Variants in APBB2 observed in about 807,000 individuals in gnomAD.
APBB2 encodes the protein Fe65-like 1.
APBB2 carries 38 observed loss-of-function variants against 82.5 expected under a neutral mutation model. The ratio of observed to expected loss-of-function variants is 0.46; its 90% CI spans 0.36 to 0.60. The LOEUF (loss-of-function observed/expected upper bound fraction) is 0.60, where lower values mean the gene tolerates loss of function less well. Ranked by LOEUF, APBB2 falls within the 20% of genes least tolerant of loss-of-function variation. The pLI is 0.00. For synonymous variants in APBB2, 341 were observed against 368.2 expected, an observed-to-expected ratio of 0.93 and a Z score of 0.85; for missense variants, 772 against 972.3, an observed-to-expected ratio of 0.79 and a Z score of 2.74.
chr4:40,863,906 A>AG (rs1262526662), intron 12 of APBB2, among the ~76,000 whole-genome samples: 1 of 149,860 alleles, frequency 6.7e-6, no homozygotes, highest in East Asian at 1.9e-4. Flanking sequence ...AAAAAAAAAA[A>AG]AAAAAAAAAA....
intron 3 of APBB2, among the ~76,000 whole-genome samples, chr4:41,095,898 T>C (rs1291744498): frequency 6.6e-6 from 1 of 152,216 alleles, no homozygotes; most frequent in Admixed American, 6.5e-5. Context: ...TCCAAGTCTC[T>C]AGCATGGCAC....
chr4:41,041,741 A>C (rs1258671770), intron 4 of APBB2, among the ~76,000 whole-genome samples: 1 of 152,202 alleles, frequency 6.6e-6, no homozygotes, highest in Admixed American at 6.5e-5. Flanking sequence ...GTGTTCTCCA[A>C]GTGAGATTTC....
intron 1 of APBB2, among the ~76,000 whole-genome samples, chr4:41,147,065 A>G (rs982749154): frequency 6.6e-6 from 1 of 152,214 alleles, no homozygotes; most frequent in Non-Finnish European, 1.5e-5. Context: ...CAGTTTATTT[A>G]TTCCCTTTGA....
intron 12 of APBB2, among the ~76,000 whole-genome samples, chr4:40,875,502 T>G (rs929699396): frequency 1.3e-5 from 2 of 152,260 alleles, no homozygotes; most frequent in African/African-American, 4.8e-5. Flanking sequence ...TTATTTAAGC[T>G]AATATGTCCA....
intron 12 of APBB2, among the ~76,000 whole-genome samples, chr4:40,876,568 C>T (rs1024717296): frequency 6.6e-6 from 1 of 152,164 alleles, no homozygotes; most frequent in African/African-American, 2.4e-5. Context: ...AGTTCCAGGA[C>T]CCCCAACGAT....
In APBB2 at chr4:41,025,944, C is replaced by CAAAAAAAA. The variant is rs71198626; in HGVS notation, c.19+7284_19+7291dup. ...GCGAAAGAGTGAGACTCCATCTCCACAAAAAAAAAAAAAAAAAAAGAAAAA... is the reference window on the plus strand; with the variant it reads ...GCGAAAGAGTGAGACTCCATCTCCACAAAAAAAAAAAAAAAAAAAAAAAAAAAGAAAAA... On this transcript the variant is annotated intron_variant, in intron 5 of 17. Transcript: ENST00000508593. Among the ~76,000 whole-genome samples, 105 of 67,448 alleles carry CAAAAAAAA rather than the reference C, an allele frequency of 1.6e-3. 2 individuals carry two copies. Among genetic ancestry groups the CAAAAAAAA allele is most frequent in the East Asian group, 4.3e-3 (10 of 2,322 alleles). The allele number at this position is 67,448 out of a possible 152,430, so 44.2% of individuals were successfully genotyped here.
At chr4:41,049,702 G>A (rs1209521195) in intron 4 of APBB2, among the ~76,000 whole-genome samples, 1 of 152,252 alleles carries the variant, frequency 6.6e-6, no homozygotes, top group African/African-American at 2.4e-5. Flanking sequence ...AGGGGGAAAT[G>A]TGGGGAAAAG....
chr4:41,033,614 ACACACAC>A (rs1447888869), intron 4 of APBB2, among the ~76,000 whole-genome samples: 1 of 150,756 alleles, frequency 6.6e-6, no homozygotes, highest in Admixed American at 6.6e-5. Flanking sequence ...ACACACACAC[ACACACAC>A]AATTCAGCAC....
intron 1 of APBB2, among the ~76,000 whole-genome samples, chr4:41,160,259 T>C (rs1445915836): frequency 6.6e-6 from 1 of 151,998 alleles, no homozygotes; most frequent in Non-Finnish European, 1.5e-5. Context: ...GGAAAGGAAA[T>C]GACGGAAGCC....
intron 4 of APBB2, among the ~76,000 whole-genome samples, chr4:41,049,446 C>A (rs1191511316): frequency 2.7e-5 from 4 of 148,084 alleles, no homozygotes; most frequent in African/African-American, 1.0e-4. Context: ...GCCAGCCAAC[C>A]CCTCCGCGAG....
intron 17 of APBB2, 149 bp downstream of exon 17, chr4:40,821,722 T>C: frequency 2.2e-6 from 2 of 904,884 alleles, no homozygotes; most frequent in Non-Finnish European, 3.3e-6. Context: ...TAACTGATTC[T>C]GGCCCTAGGA....
rs1036752294 is a variant in APBB2, at chr4:40,857,295, A to C, written c.1530-26718T>G. 12 of 469,606 alleles carry C rather than the reference A, an allele frequency of 2.6e-5. No homozygotes were observed. The South Asian group carries it at 7.2e-4, about 28-fold the overall frequency. The allele number at this position is 469,606 out of a possible 1,614,324, so 29.1% of individuals were successfully genotyped here. On this transcript the variant is annotated intron_variant, in intron 12 of 17. Coordinates refer to ENST00000508593, the MANE Select transcript of APBB2 (RefSeq NM_004307.2). ...TGCTCCCGCTAGGTGCTCCCGCCAGATGCTCCAGCTGCTAGGGGACTGGCT... is the reference window on the plus strand; with the variant it reads ...TGCTCCCGCTAGGTGCTCCCGCCAGCTGCTCCAGCTGCTAGGGGACTGGCT...
At chr4:40,859,825 T>C (rs1281608580) in intron 12 of APBB2, among the ~76,000 whole-genome samples, 1 of 152,204 alleles carries the variant, frequency 6.6e-6, no homozygotes, top group African/African-American at 2.4e-5. Context: ...TTCCAGTTCC[T>C]GGAACACGCC....
chr4:40,852,751 G>A (rs757419586), intron 12 of APBB2, among the ~76,000 whole-genome samples: 25 of 151,736 alleles, frequency 1.6e-4, no homozygotes, highest in Non-Finnish European at 1.9e-4. Context: ...AGAGATTCTC[G>A]TGCCTCAGCC....
At chr4:41,030,043 C>A (rs993574958) in intron 5 of APBB2, among the ~76,000 whole-genome samples, 1 of 152,184 alleles carries the variant, frequency 6.6e-6, no homozygotes, top group South Asian at 2.1e-4. Flanking sequence ...GTAGTCCCAG[C>A]TACTCGGGAG....
chr4:40,902,537 T>C (rs556825366), intron 10 of APBB2, among the ~76,000 whole-genome samples: 1 of 152,046 alleles, frequency 6.6e-6, no homozygotes, highest in Non-Finnish European at 1.5e-5. Context: ...TTTGTTTTTG[T>C]TTTTGTATTT....
At chr4:41,214,303 C>G (rs958052696) in intron 1 of APBB2, 102 bp downstream of exon 1, 4 of 152,308 alleles carry the variant, frequency 2.6e-5, no homozygotes, top group Non-Finnish European at 5.9e-5. Context: ...GGGGAACCCG[C>G]AGCCGCTCGC....
At chr4:40,835,351 G>A (rs1348761200) in intron 12 of APBB2, among the ~76,000 whole-genome samples, 1 of 152,082 alleles carries the variant, frequency 6.6e-6, no homozygotes, top group Admixed American at 6.6e-5. Context: ...AACCAGTGAG[G>A]CAAATTCAAA....
intron 6 of APBB2, among the ~76,000 whole-genome samples, chr4:40,949,302 C>G (rs1203080629): frequency 1.3e-5 from 2 of 152,088 alleles, no homozygotes; most frequent in Non-Finnish European, 2.9e-5. Flanking sequence ...GATAGTGGTG[C>G]AGGTAGGTGG....
Sources: gnomAD v4.1 joint callset for allele counts (sites outside exome capture counted in the v4.1 genomes callset) on GRCh38, gnomAD v4.1.1 for gene constraint, MANE v1.5 for transcripts, NCBI Gene and HGNC (gene_info 2026-07-23, HGNC 2026-07-21) for gene names.